NFKBID: variants seen among roughly 807,000 people sequenced by gnomAD.
NFKBID encodes NFKB inhibitor delta.
A neutral mutation model predicts 53.4 loss-of-function variants in NFKBID; 26 were observed. The ratio of observed to expected loss-of-function variants is 0.49; its 90% CI spans 0.36 to 0.68. The LOEUF (loss-of-function observed/expected upper bound fraction) is 0.68. Among genes scored for constraint, NFKBID ranks in the 30% least tolerant of loss-of-function variants. The pLI is 0.00. For missense variants in NFKBID, 493 were observed against 614.1 expected (o/e 0.80, Z 2.08); for synonymous variants, 262 against 259.8 (o/e 1.01, Z -0.08).
At chr19:35,899,148 G>A (rs548370320) in intron 1 of NFKBID, among the ~76,000 whole-genome samples, 5 of 152,152 alleles carry the variant, frequency 3.3e-5, no homozygotes, top group Non-Finnish European at 7.3e-5. Flanking sequence ...AGATATCCAA[G>A]TTTTGAAGTC....
At chr19:35,897,002 C>A (rs773704562) in exon 5 of NFKBID, 6 of 1,608,334 alleles carry the variant, frequency 3.7e-6, no homozygotes, top group Non-Finnish European at 5.1e-6. Context: ...GTCCAGGGAC[C>A]ACAGCGGGGA....
At chr19:35,888,248 T>G in exon 12 of NFKBID, 2 of 330,848 alleles carry the variant, frequency 6.0e-6, no homozygotes, top group Non-Finnish European at 5.7e-6. Context: ...AAGAGCTGAG[T>G]TAGGGGAGAG....
chr19:35,889,176 C>T (rs561511513), intron 11 of NFKBID, among the ~76,000 whole-genome samples: 4 of 148,788 alleles, frequency 2.7e-5, no homozygotes, highest in Admixed American at 1.3e-4. Flanking sequence ...CATAGTGTGA[C>T]CCCATCTCTT....
In NFKBID at chr19:35,889,750, G is replaced by A. The variant is rs1289581192; in HGVS notation, c.1314+140C>T. On this transcript the variant is annotated intron_variant, in intron 11 of 11. Transcript: ENST00000641389. ...CTGAGGTCAGAGGTCACATTATAGA[G>A]TCAGGGTTGCCTGAGGGCTGAAGTC... is the stretch of plus-strand genomic sequence containing the variant. 3.6e-6 allele frequency: 3 copies of A among 843,518 alleles called. No homozygotes were observed. In the African/African-American group the frequency reaches 5.1e-5, roughly 14 times the overall value. The allele number at this position is 843,518 out of a possible 1,614,324, so 52.3% of individuals were successfully genotyped here. A position where few individuals can be genotyped will look rare whatever the true frequency, so the allele number is the denominator to read the frequency against.
intron 4 of NFKBID, 22 bp downstream of exon 4, chr19:35,897,629 C>T (rs1198764110): frequency 2.3e-5 from 30 of 1,278,696 alleles, no homozygotes; most frequent in Non-Finnish European, 3.2e-5. Context: ...CTTCAGCATC[C>T]TGTACCCACT....
At chr19:35,897,900 T>A in intron 3 of NFKBID, 44 bp from the exon 4 acceptor site, 1 of 1,374,346 alleles carries the variant, frequency 7.3e-7, no homozygotes, top group South Asian at 1.2e-5. Flanking sequence ...GTTACCAGAG[T>A]TGGGGACGTC....
At chr19:35,890,441 T>C in exon 10 of NFKBID, 2 of 1,613,794 alleles carry the variant, frequency 1.2e-6, no homozygotes, top group Non-Finnish European at 1.7e-6. Context: ...CAGAGTGGGG[T>C]TGGCAGCCTG....
chr19:35,898,673 CG>C lies in NFKBID; in HGVS notation c.165+45del. ...GGCCCGGCAAGCCGCTGAGTCCCTA[CG>C]GGACAGCACGGGGCCTCCGGAGAGC... is the stretch of plus-strand genomic sequence containing the variant. On this transcript the variant is annotated intron_variant, in intron 2 of 11. Transcript: ENST00000641389. 3 of 1,502,522 alleles carry C rather than the reference CG, an allele frequency of 2.0e-6. No homozygotes were observed. The South Asian group carries it at 3.6e-5, about 18-fold the overall frequency. The allele number at this position is 1,502,522 out of a possible 1,614,324, so 93.1% of individuals were successfully genotyped here.
Position 35,896,502 on chromosome 19 carries a change from G to T in NFKBID, c.721C>A (p.Leu241Met). Residue 241 changes from leucine (L) to methionine (M), a missense_variant, in exon 7 of 12, where the codon CTG becomes ATG. Coordinates refer to ENST00000641389, the Ensembl canonical transcript of NFKBID. The surrounding 1 kb of genome is among the most constrained non-coding windows in gnomAD (Gnocchi z 5.7). ...AGGTTCAACAGATCCTCCACAATCAGGGGCTGGTTGGCAGCAGCCGCCACC... is the reference window on the plus strand; with the variant it reads ...AGGTTCAACAGATCCTCCACAATCATGGGCTGGTTGGCAGCAGCCGCCACC... 1 of 1,614,150 alleles carries T rather than the reference G, an allele frequency of 6.2e-7. No individual in the cohort carries two copies. Among genetic ancestry groups the T allele is most frequent in the Non-Finnish European group, 8.5e-7 (1 of 1,180,016 alleles).
intron 1 of NFKBID, 65 bp from the exon 2 acceptor site, chr19:35,898,887 G>GGC: frequency 2.3e-6 from 3 of 1,310,238 alleles, no homozygotes; most frequent in Non-Finnish European, 3.2e-6. Context: ...CCGCGGGGGT[G>GGC]GCGCGCGGGG....
In NFKBID at chr19:35,896,139, G is replaced by C. The variant is rs767672128; in HGVS notation, c.884-11C>G. The C allele has an allele frequency of 1.2e-6, 2 of 1,614,042 alleles. No homozygotes were observed. Among genetic ancestry groups the C allele is most frequent in the South Asian group, 1.1e-5 (1 of 91,068 alleles). Reference sequence around the variant, plus strand: ...GGAGCGGGGTGAGGCCTGCAGAATGGAGACAGTGAGGGACCCGCATCTGCA... The same window carrying C: ...GGAGCGGGGTGAGGCCTGCAGAATGCAGACAGTGAGGGACCCGCATCTGCA... On this transcript the variant is annotated splice_polypyrimidine_tract_variant and intron_variant, in intron 8 of 11. Coordinates refer to ENST00000641389, the Ensembl canonical transcript of NFKBID. This position sits in a 1 kb window ranked among gnomAD's most constrained non-coding sequence, Gnocchi z 5.7.
rs370104042 is a variant in NFKBID at position 35,896,936 on chromosome 19, C to T, written c.555G>A (p.Leu185=). ...ACGTGTCCCCCTCCTCATCCTGGGC[C>T]AGCAGCTGCTGTGGCCCCAAAGCCA... The change falls in exon 5 of 12, where the codon CTG becomes CTA. Residue 185 remains leucine, a synonymous_variant. Transcript: ENST00000641389. This position sits in a 1 kb window ranked among gnomAD's most constrained non-coding sequence, Gnocchi z 5.7. 5 of 1,607,194 alleles carry T rather than the reference C, an allele frequency of 3.1e-6. No individual in the cohort carries two copies. Among genetic ancestry groups the T allele is most frequent in the Non-Finnish European group, 4.3e-6 (5 of 1,175,654 alleles).
rs1974651406 is a variant in NFKBID, at chr19:35,890,074, G to A, written c.1150-20C>T. The A allele has an allele frequency of 2.5e-6, 4 of 1,587,148 alleles. No individual in the cohort carries two copies. The highest frequency in any genetic ancestry group is 1.8e-5 in the Admixed American group (1 of 55,346). ...GTGGGCCTGGAAAAGTAAGGGGAGG[G>A]CTGGTGGGGATCTGGGCTCAGCTGG... On this transcript the variant is annotated intron_variant, in intron 10 of 11. Coordinates refer to ENST00000641389, the Ensembl canonical transcript of NFKBID.
rs748040323 is a variant in NFKBID at position 35,892,559 on chromosome 19, AT to A, written c.1033-2070del. Among the ~76,000 whole-genome samples the A allele has an allele frequency of 5.1e-3, 766 of 149,300 alleles. 7 individuals are homozygous for A. Among genetic ancestry groups the A allele is most frequent in the African/African-American group, 0.013 (532 of 40,420 alleles). On this transcript the variant is annotated intron_variant, in intron 9 of 11. Transcript: ENST00000641389. ...ACTCCATCTCAAAAAAAAAAAAAAA[AT>A]TATTTGTCCTTTTTTCAGAGAAATA...
upstream of NFKBID, among the ~76,000 whole-genome samples, chr19:35,900,827 CTTTTTTTTTT>C (rs60365058): frequency 7.4e-5 from 8 of 107,606 alleles, no homozygotes; most frequent in African/African-American, 2.2e-4. Context: ...TTTTTCTTTT[CTTTTTTTTTT>C]TTTTTTTTTT....
chr19:35,898,251 G>T (rs575099697), intron 3 of NFKBID, among the ~76,000 whole-genome samples: 37 of 152,166 alleles, frequency 2.4e-4, no homozygotes, highest in Non-Finnish European at 1.5e-5. Flanking sequence ...GGGAGGCTGA[G>T]GCGGGAGGAT....
Position 35,889,903 on chromosome 19 carries a change from G to A in NFKBID, c.1301C>T (p.Pro434Leu), listed in dbSNP as rs200193671. 8.1e-5 allele frequency: 130 copies of A among 1,608,866 alleles called. No individual in the cohort carries two copies. In the Admixed American group the frequency reaches 1.6e-3, roughly 19 times the overall value. Residue 434 changes from proline (P) to leucine (L), a missense_variant, in exon 11 of 12, where the codon CCG becomes CTG. Pro to Leu is a moderately conservative substitution (Grantham distance 98). Around this residue, in one of 2 missense-constraint regions of NFKBID, gnomAD observed 267 missense variants for 384.6 expected, o/e 0.69. Coordinates refer to ENST00000641389, the Ensembl canonical transcript of NFKBID. The stretch of plus-strand genomic sequence containing the variant: ...GTGCTTACTTACCCCCTCAGGGCCC[G>A]GCCCGGGCCGCAGCAGGTGAACGGG...
At chr19:35,899,639 CCT>C (rs10567511) in intron 1 of NFKBID, 7,308 of 150,780 alleles carry the variant, frequency 0.048, 253 homozygotes, top group African/African-American at 0.1. Flanking sequence ...TCAGTTCCTT[CCT>C]CTCTAGGACC....
At chr19:35,889,558 T>G (rs1198971018) in intron 11 of NFKBID, among the ~76,000 whole-genome samples, 1 of 150,064 alleles carries the variant, frequency 6.7e-6, no homozygotes, top group Non-Finnish European at 1.5e-5. Flanking sequence ...ACATCTGAGG[T>G]CAGGACCCAA....
Sources: allele counts gnomAD v4.1 joint callset (sites outside exome capture counted in the v4.1 genomes callset), GRCh38; gene constraint gnomAD v4.1.1; regional missense constraint gnomAD v4.1.1; non-coding constraint Gnocchi (gnomAD v3.1); transcripts MANE v1.5; gene names NCBI Gene and HGNC (gene_info 2026-07-23, HGNC 2026-07-21).